Variants in RUBCN observed in about 807,000 individuals in gnomAD.
RUBCN encodes the protein rubicon autophagy regulator.
RUBCN carries 74 observed loss-of-function variants against 113.2 expected under a neutral mutation model. That is an observed-to-expected ratio of 0.65 (90% CI 0.54 to 0.79). The LOEUF (loss-of-function observed/expected upper bound fraction) is 0.79. Among genes scored for constraint, RUBCN ranks in the 30% least tolerant of loss-of-function variants. The pLI is 0.00. For synonymous variants in RUBCN, 480 were observed against 490.0 expected, an observed-to-expected ratio of 0.98 and a Z score of 0.27; for missense variants, 1,109 against 1,251.7, an observed-to-expected ratio of 0.89 and a Z score of 1.72.
At chr3:197,715,290 G>GAAAAAAAAAAAA (rs35511002) in intron 2 of RUBCN, among the ~76,000 whole-genome samples, 1 of 102,790 alleles carries the variant, frequency 9.7e-6, no homozygotes, top group Non-Finnish European at 2.0e-5. Context: ...ACTCTATCTT[G>GAAAAAAAAAAAA]AAAAAAAAAA....
In RUBCN at chr3:197,694,478, G is replaced by T. The variant is rs1560424947; in HGVS notation, c.1581C>A (p.Asp527Glu). ...CLEEEEVEEE[D>E]SDREIQELKQ... ...TCAGCTCCTGGATCTCTCTATCACT[G>T]TCTTCCTCTTCCACTTCCTCCTCCT... Residue 527 changes from aspartate (D) to glutamate (E), a missense_variant, in exon 10 of 20, where the codon GAC becomes GAA. Asp to Glu is a conservative substitution (Grantham distance 45). Transcript: ENST00000296343. 1 of 1,614,158 alleles carries T rather than the reference G, an allele frequency of 6.2e-7. No homozygotes were observed. Among genetic ancestry groups the T allele is most frequent in the African/African-American group, 1.3e-5 (1 of 75,050 alleles).
In RUBCN at chr3:197,670,340, A is replaced by C. The variant is rs1415848510; in HGVS notation, c.*4678T>G. Among the ~76,000 whole-genome samples, 1 of 152,226 alleles carries C rather than the reference A, an allele frequency of 6.6e-6. No homozygotes were observed. The highest frequency in any genetic ancestry group is 1.5e-5 in the Non-Finnish European group (1 of 68,030). ...TCTCAGCTCTGGCATGGTGTCTGGA[A>C]CACGGAGGCATCTATAGATGTTTGG... On this transcript the variant is annotated 3_prime_UTR_variant, in exon 20 of 20. Transcript: ENST00000296343.
intron 11 of RUBCN, among the ~76,000 whole-genome samples, chr3:197,693,042 G>C (rs888430395): frequency 3.9e-5 from 6 of 152,176 alleles, no homozygotes; most frequent in African/African-American, 1.4e-4. Context: ...GTTTGTCCCT[G>C]AACTGTTTTT....
chr3:197,696,691 C>G (rs1409199426), intron 8 of RUBCN, among the ~76,000 whole-genome samples: 2 of 152,146 alleles, frequency 1.3e-5, no homozygotes, highest in East Asian at 3.9e-4. Context: ...AGAGAGCCAT[C>G]CCATCTGGAC....
chr3:197,701,969 A>C, intron 5 of RUBCN, 105 bp from the exon 6 acceptor site: 1 of 1,037,638 alleles, frequency 9.6e-7, no homozygotes, highest in South Asian at 1.4e-5. Flanking sequence ...CTACCTTTGC[A>C]GTAGGCCTGG....
At chr3:197,742,910 A>T (rs1728584260) in intron 1 of RUBCN, among the ~76,000 whole-genome samples, 1 of 152,260 alleles carries the variant, frequency 6.6e-6, no homozygotes, top group Non-Finnish European at 1.5e-5. Flanking sequence ...GCTTTGGAAA[A>T]TGCCACAGTT....
chr3:197,675,114 T>C lies in RUBCN; in HGVS notation c.2823A>G (p.Ala941=), dbSNP rs1720209113. Residue 941 remains alanine, a synonymous_variant, in exon 20 of 20, where the codon GCA becomes GCG. Transcript: ENST00000296343. The surrounding 1 kb of genome is among the most constrained non-coding windows in gnomAD (Gnocchi z 4.4). The part of the protein sequence containing the change: ...RCERLQARRE[A]LARQSLESYL... Reference sequence around the variant, plus strand: ...AAGACTCCAGGCTCTGCCTGGCCAGTGCCTCCCGCCGGGCCTGCAGCCGCT... The same window carrying C: ...AAGACTCCAGGCTCTGCCTGGCCAGCGCCTCCCGCCGGGCCTGCAGCCGCT... 6.2e-7 allele frequency: 1 copy of C among 1,613,612 alleles called. No homozygotes were observed. The highest frequency in any genetic ancestry group is 8.5e-7 in the Non-Finnish European group (1 of 1,179,996).
intron 13 of RUBCN, 46 bp from the exon 14 acceptor site, chr3:197,682,661 G>T (rs778170177): frequency 6.2e-7 from 1 of 1,602,628 alleles, no homozygotes; most frequent in East Asian, 2.2e-5. Flanking sequence ...TCAGTGTGCT[G>T]CCCGTCATCT....
At chr3:197,727,460 T>C (rs551885398) in intron 1 of RUBCN, among the ~76,000 whole-genome samples, 1 of 152,328 alleles carries the variant, frequency 6.6e-6, no homozygotes, top group East Asian at 1.9e-4. Context: ...GAAGGGTACC[T>C]AGAATAAAGC....
At chr3:197,721,120 G>C (rs1726113555) in intron 1 of RUBCN, among the ~76,000 whole-genome samples, 1 of 152,086 alleles carries the variant, frequency 6.6e-6, no homozygotes, top group Admixed American at 6.6e-5. Flanking sequence ...GATAATGTTG[G>C]CCTTGTAGAA....
intron 2 of RUBCN, among the ~76,000 whole-genome samples, chr3:197,713,305 T>G (rs1020300249): frequency 4.6e-5 from 7 of 152,242 alleles, no homozygotes; most frequent in Admixed American, 2.0e-4. Flanking sequence ...TATGGTTAAG[T>G]GATTACTCTA....
chr3:197,749,697 C>G (rs756715292), exon 1 of RUBCN: 11 of 642,788 alleles, frequency 1.7e-5, no homozygotes, highest in Middle Eastern at 2.6e-4. Flanking sequence ...AGTCGAACTG[C>G]TCACAACGGC....
Position 197,736,883 on chromosome 3 carries a change from C to G in RUBCN, c.-164G>C, listed in dbSNP as rs1235311688. On this transcript the variant is annotated 5_prime_UTR_variant, in exon 1 of 20. Transcript: ENST00000296343. ...ACAGCGGGAGGGACCGCCGCCTGGGCTGCGGCTTCTATCCCGGCCACCCCC... is the reference window on the plus strand; with the variant it reads ...ACAGCGGGAGGGACCGCCGCCTGGGGTGCGGCTTCTATCCCGGCCACCCCC... The G allele has an allele frequency of 7.3e-7, 1 of 1,372,480 alleles. No individual in the cohort carries two copies. Among genetic ancestry groups the G allele is most frequent in the Non-Finnish European group, 9.3e-7 (1 of 1,070,252 alleles). The allele number at this position is 1,372,480 out of a possible 1,614,324, so 85.0% of individuals were successfully genotyped here.
chr3:197,743,326 T>G (rs1219961663), intron 1 of RUBCN, among the ~76,000 whole-genome samples: 1 of 152,054 alleles, frequency 6.6e-6, no homozygotes, highest in Admixed American at 6.6e-5. Flanking sequence ...GCACAGTGTC[T>G]TGAGTTTCTT....
intron 11 of RUBCN, chr3:197,691,020 C>T: frequency 1.0e-6 from 1 of 976,170 alleles, no homozygotes; most frequent in Non-Finnish European, 1.4e-6. Context: ...AAAGCTGGTG[C>T]AACATTCTCA....
intron 1 of RUBCN, among the ~76,000 whole-genome samples, chr3:197,734,867 AATC>A (rs1727943490): frequency 6.6e-6 from 1 of 152,232 alleles, no homozygotes; most frequent in South Asian, 2.1e-4. Flanking sequence ...ACTTAGCACA[AATC>A]ATTCTCAGAT....
Position 197,699,064 on chromosome 3 carries a change from C to A in RUBCN, c.1261+1549G>T, listed in dbSNP as rs1723339823. On this transcript the variant is annotated intron_variant, in intron 7 of 19. Transcript: ENST00000296343. Reference sequence around the variant, plus strand: ...TACTGGTATCATTTTATAGACAGTTCCAAGCATCACAACAAGACCAGGCTA... The same window carrying A: ...TACTGGTATCATTTTATAGACAGTTACAAGCATCACAACAAGACCAGGCTA... 47 of 736,408 alleles carry A rather than the reference C, an allele frequency of 6.4e-5. 2 individuals carry two copies. The South Asian group carries it at 7.0e-4, about 11-fold the overall frequency. 45.6% of individuals were successfully genotyped at this position (736,408 alleles called of 1,614,324 possible). A position where few individuals can be genotyped will look rare whatever the true frequency, so the allele number is the denominator to read the frequency against.
chr3:197,703,024 A>G (rs755817244), intron 5 of RUBCN, among the ~76,000 whole-genome samples: 5 of 152,094 alleles, frequency 3.3e-5, no homozygotes, highest in Admixed American at 6.6e-5. Flanking sequence ...TCCCCAGCTT[A>G]GGTCTACTAA....
intron 7 of RUBCN, among the ~76,000 whole-genome samples, chr3:197,697,601 C>T (rs1484968560): frequency 1.3e-5 from 2 of 152,216 alleles, no homozygotes; most frequent in Non-Finnish European, 1.5e-5. Flanking sequence ...TTACGGGGCT[C>T]GGCCCGGCCT....
Sources: gnomAD v4.1 joint callset for allele counts (sites outside exome capture counted in the v4.1 genomes callset) on GRCh38, gnomAD v4.1.1 for gene constraint, Gnocchi (gnomAD v3.1) non-coding constraint, MANE v1.5 for transcripts, NCBI Gene and HGNC (gene_info 2026-07-23, HGNC 2026-07-21) for gene names.